Variants in LOC128462377 observed in about 807,000 individuals in gnomAD.
the LOC128462377 span, among the ~76,000 whole-genome samples, chr16:89,409,850 A>T: frequency 1.1e-4 from 16 of 151,854 alleles, no homozygotes; most frequent in South Asian, 2.1e-4. Flanking sequence ...TTATTTATTT[A>T]TTTTTTGAGA....
At chr16:89,396,883 C>T in the LOC128462377 span, among the ~76,000 whole-genome samples, 1 of 152,152 alleles carries the variant, frequency 6.6e-6, no homozygotes, top group Non-Finnish European at 1.5e-5. Flanking sequence ...GACGGGGTTT[C>T]ACCATGTTGG....
At chr16:89,354,430 T>A in the LOC128462377 span, among the ~76,000 whole-genome samples, 1 of 152,136 alleles carries the variant, frequency 6.6e-6, no homozygotes, top group Non-Finnish European at 1.5e-5. Context: ...TGAGGTCCAC[T>A]ATGCCAGCGC....
At chr16:89,381,016 C>G in the LOC128462377 span, among the ~76,000 whole-genome samples, 4 of 152,032 alleles carry the variant, frequency 2.6e-5, no homozygotes, top group Non-Finnish European at 5.9e-5. Flanking sequence ...GGTAAACAAT[C>G]GATCCAAAAA....
chr16:89,323,337 T>C, the LOC128462377 span: 2 of 1,288,266 alleles, frequency 1.6e-6, no homozygotes, highest in Non-Finnish European at 2.0e-6. Flanking sequence ...ATCCCAGGTA[T>C]GGAAGAGAAG....
At chr16:89,410,884 G>A in the LOC128462377 span, among the ~76,000 whole-genome samples, 3 of 152,234 alleles carry the variant, frequency 2.0e-5, no homozygotes, top group Admixed American at 6.5e-5. Flanking sequence ...GCGTGAACAC[G>A]TGTTCTACAC....
At chr16:89,391,452 C>T in the LOC128462377 span, among the ~76,000 whole-genome samples, 10 of 152,068 alleles carry the variant, frequency 6.6e-5, no homozygotes, top group Non-Finnish European at 1.5e-5. Flanking sequence ...AGCTGGTGTC[C>T]GCCACAGAAC....
chr16:89,369,930 C>T, the LOC128462377 span, among the ~76,000 whole-genome samples: 1 of 152,178 alleles, frequency 6.6e-6, no homozygotes, highest in Non-Finnish European at 1.5e-5. Context: ...CAAACAAAAA[C>T]CAAACACGGG....
the LOC128462377 span, among the ~76,000 whole-genome samples, chr16:89,334,165 A>AC: frequency 2.8e-5 from 4 of 145,144 alleles, no homozygotes; most frequent in African/African-American, 5.1e-5. Context: ...AAAAAAAAAA[A>AC]AAAAAAAACA....
chr16:89,338,588 G>T, the LOC128462377 span, among the ~76,000 whole-genome samples: 2 of 151,808 alleles, frequency 1.3e-5, no homozygotes, highest in Non-Finnish European at 2.9e-5. Context: ...AGCTGGGCGT[G>T]GTGGCATGCA....
At chr16:89,317,151 C>G in the LOC128462377 span, 11 of 1,004,156 alleles carry the variant, frequency 1.1e-5, no homozygotes, top group African/African-American at 1.6e-5. Context: ...ACACCGCACT[C>G]AACAGACTCA....
the LOC128462377 span, among the ~76,000 whole-genome samples, chr16:89,332,873 C>T: frequency 3.9e-5 from 6 of 152,224 alleles, no homozygotes; most frequent in Non-Finnish European, 4.4e-5. Flanking sequence ...TTTTATTACT[C>T]CTTAGGGCTG....
At chr16:89,365,193 A>C in the LOC128462377 span, among the ~76,000 whole-genome samples, 3 of 152,146 alleles carry the variant, frequency 2.0e-5, no homozygotes, top group African/African-American at 7.2e-5. Flanking sequence ...AGTGATGACT[A>C]TCTTGTTGGC....
chr16:89,363,874 G>A, the LOC128462377 span, among the ~76,000 whole-genome samples: 1 of 151,946 alleles, frequency 6.6e-6, no homozygotes, highest in Non-Finnish European at 1.5e-5. Flanking sequence ...TGGCCATCGT[G>A]GCAAAACCCT....
the LOC128462377 span, among the ~76,000 whole-genome samples, chr16:89,319,675 G>C: frequency 6.6e-6 from 1 of 152,370 alleles, no homozygotes; most frequent in South Asian, 2.1e-4. Flanking sequence ...GGTGACAGCT[G>C]AGATGTCCTG....
At chr16:89,387,765 G>A in the LOC128462377 span, among the ~76,000 whole-genome samples, 1 of 151,556 alleles carries the variant, frequency 6.6e-6, no homozygotes, top group South Asian at 2.1e-4. Flanking sequence ...CACTTTGGGA[G>A]GCTGAGGCAG....
At chr16:89,382,780 T>G in the LOC128462377 span, among the ~76,000 whole-genome samples, 175 of 152,314 alleles carry the variant, frequency 1.1e-3, no homozygotes, top group African/African-American at 3.7e-3. Context: ...TGTGTTCAGC[T>G]GAAATAAACG....
the LOC128462377 span, among the ~76,000 whole-genome samples, chr16:89,367,194 C>T: frequency 6.6e-6 from 1 of 152,224 alleles, no homozygotes; most frequent in Admixed American, 6.5e-5. Flanking sequence ...CATCCCCCTT[C>T]GTGTTTCCCA....
chr16:89,403,996 G>C, the LOC128462377 span, among the ~76,000 whole-genome samples: 1 of 152,258 alleles, frequency 6.6e-6, no homozygotes, highest in East Asian at 1.9e-4. Flanking sequence ...AACTAAAATA[G>C]GGTGAAAGAA....
At chr16:89,415,829 C>CAAACAAAAAA in the LOC128462377 span, among the ~76,000 whole-genome samples, 22 of 39,740 alleles carry the variant, frequency 5.5e-4, no homozygotes, top group African/African-American at 2.0e-3. Context: ...GACTCTGTCT[C>CAAACAAAAAA]AAAAAAAAAA....
Sources: allele counts gnomAD v4.1 joint callset (sites outside exome capture counted in the v4.1 genomes callset), GRCh38; gene constraint gnomAD v4.1.1; transcripts MANE v1.5.